The following PCDH15 variants were observed in gnomAD, a reference collection of about 807,000 sequenced individuals.
PCDH15 encodes the protein protocadherin-15.
In PCDH15, 129 loss-of-function variants were observed where a neutral mutation model predicts 178.5. The ratio of observed to expected loss-of-function variants is 0.72; its 90% CI spans 0.63 to 0.84. PCDH15 has a LOEUF of 0.84. Among genes scored for constraint, PCDH15 ranks in the 40% least tolerant of loss-of-function variants. The pLI is 0.00. For missense variants in PCDH15, 2,230 were observed against 2,099.9 expected (o/e 1.06, Z -1.21); for synonymous variants, 800 against 732.0 (o/e 1.09, Z -1.50).
chr10:54,906,747 G>A (rs1954729504), intron 2 of PCDH15, among the ~76,000 whole-genome samples: 1 of 152,098 alleles, frequency 6.6e-6, no homozygotes, highest in Non-Finnish European at 1.5e-5. Flanking sequence ...ATATAAGACA[G>A]CAAGTACATA....
intron 15 of PCDH15, among the ~76,000 whole-genome samples, chr10:54,111,466 T>C (rs1339528095): frequency 6.6e-6 from 1 of 152,158 alleles, no homozygotes; most frequent in Non-Finnish European, 1.5e-5. Context: ...CAAACAGGTT[T>C]AGAAATTGTA....
intron 2 of PCDH15, among the ~76,000 whole-genome samples, chr10:54,640,340 T>C (rs530587084): frequency 1.4e-4 from 22 of 152,152 alleles, no homozygotes; most frequent in Non-Finnish European, 2.8e-4. Flanking sequence ...GAATACTTAC[T>C]ATTATTGCAA....
intron 1 of PCDH15, among the ~76,000 whole-genome samples, chr10:54,762,077 T>C (rs914099127): frequency 2.4e-4 from 37 of 152,150 alleles, no homozygotes; most frequent in Non-Finnish European, 2.9e-5. Context: ...AACTCAGATA[T>C]ACTCTCCAAC....
At chr10:53,879,525 C>T (rs2080533611) in intron 26 of PCDH15, among the ~76,000 whole-genome samples, 1 of 151,990 alleles carries the variant, frequency 6.6e-6, no homozygotes, top group African/African-American at 2.4e-5. Context: ...GATTTGAATG[C>T]TGAAGGATTT....
intron 2 of PCDH15, among the ~76,000 whole-genome samples, chr10:55,566,686 A>T (rs1373174746): frequency 6.6e-6 from 1 of 151,822 alleles, no homozygotes; most frequent in Admixed American, 6.6e-5. Flanking sequence ...TTTAATTTGC[A>T]ATAGCATCAA....
intron 1 of PCDH15, among the ~76,000 whole-genome samples, chr10:55,167,562 G>A (rs2589426): frequency 0.83 from 126,611 of 152,112 alleles, 52,906 homozygotes; most frequent in South Asian, 0.89. Context: ...TAAAATTGAA[G>A]TTATAAAAGT....
intron 4 of PCDH15, 63 bp downstream of exon 4, chr10:54,378,719 A>T: frequency 6.6e-7 from 1 of 1,522,268 alleles, no homozygotes. Flanking sequence ...ATATAAACAC[A>T]CACATAGACA....
intron 3 of PCDH15, among the ~76,000 whole-genome samples, chr10:54,398,495 G>A (rs1193616299): frequency 6.6e-6 from 1 of 151,784 alleles, no homozygotes; most frequent in African/African-American, 2.4e-5. Flanking sequence ...TTAGAGTTTG[G>A]TTACAAAATG....
intron 3 of PCDH15, among the ~76,000 whole-genome samples, chr10:54,831,996 T>C (rs1334354539): frequency 3.3e-5 from 5 of 152,150 alleles, no homozygotes; most frequent in Non-Finnish European, 5.9e-5. Flanking sequence ...TGTATGTCTA[T>C]TTTGGTGTAT....
intron 13 of PCDH15, among the ~76,000 whole-genome samples, chr10:54,169,722 C>T (rs1177475353): frequency 2.6e-5 from 4 of 151,764 alleles, no homozygotes; most frequent in Non-Finnish European, 5.9e-5. Context: ...ACCTAATCAC[C>T]CTTACCCCAC....
intron 2 of PCDH15, among the ~76,000 whole-genome samples, chr10:54,937,650 T>G (rs1281966274): frequency 2.0e-5 from 3 of 152,008 alleles, no homozygotes; most frequent in Non-Finnish European, 2.9e-5. Flanking sequence ...ACAATTGAAT[T>G]GTGGATGTCG....
At chr10:54,183,648 C>T (rs1205302601) in intron 12 of PCDH15, 55 bp from the exon 13 acceptor site, 1 of 1,592,802 alleles carries the variant, frequency 6.3e-7, no homozygotes, top group Non-Finnish European at 8.6e-7. Flanking sequence ...ATAAGTAGTA[C>T]AGAGTTTGCT....
At chr10:55,549,580 G>A (rs905624023) in intron 2 of PCDH15, among the ~76,000 whole-genome samples, 20 of 152,070 alleles carry the variant, frequency 1.3e-4, no homozygotes, top group Non-Finnish European at 1.2e-4. Context: ...TGATAAATGA[G>A]GTGGGCTAAA....
At chr10:55,138,983 G>T (rs1286792042) in intron 2 of PCDH15, among the ~76,000 whole-genome samples, 1 of 151,828 alleles carries the variant, frequency 6.6e-6, no homozygotes. Context: ...CACTGTATAG[G>T]TATGTTATAC....
chr10:54,695,461 C>T (rs2095207889), intron 1 of PCDH15, among the ~76,000 whole-genome samples: 1 of 152,090 alleles, frequency 6.6e-6, no homozygotes, highest in Admixed American at 6.6e-5. Flanking sequence ...GATGAAGTAG[C>T]AAGTGTTAAT....
At chr10:53,957,686 C>G (rs1191501603) in intron 23 of PCDH15, among the ~76,000 whole-genome samples, 1 of 151,926 alleles carries the variant, frequency 6.6e-6, no homozygotes, top group East Asian at 1.9e-4. Flanking sequence ...TGGAATTTTC[C>G]ACTTAATATT....
chr10:55,456,130 G>C (rs999404645), intron 2 of PCDH15, among the ~76,000 whole-genome samples: 1 of 151,948 alleles, frequency 6.6e-6, no homozygotes, highest in Non-Finnish European at 1.5e-5. Context: ...TTTATCTAAA[G>C]TTTTTCTTCT....
chr10:55,291,289 C>A (rs973253997), intron 1 of PCDH15, among the ~76,000 whole-genome samples: 41 of 152,204 alleles, frequency 2.7e-4, no homozygotes, highest in Non-Finnish European at 5.0e-4. Context: ...CAATGACAAC[C>A]AAACATTTCA....
At chr10:55,083,867 T>A (rs1272391412) in intron 2 of PCDH15, among the ~76,000 whole-genome samples, 1 of 150,992 alleles carries the variant, frequency 6.6e-6, no homozygotes, top group African/African-American at 2.4e-5. Flanking sequence ...ACCAAACAAA[T>A]GAAAACTATA....
Sources: gnomAD v4.1 joint callset for allele counts (sites outside exome capture counted in the v4.1 genomes callset) on GRCh38, gnomAD v4.1.1 for gene constraint, MANE v1.5 for transcripts, NCBI Gene and HGNC (gene_info 2026-07-23, HGNC 2026-07-21) for gene names.